The following FRMD3 variants were observed in gnomAD, a reference collection of about 807,000 sequenced individuals.
The protein encoded by FRMD3 is FERM domain containing 3.
A neutral mutation model predicts 70.2 loss-of-function variants in FRMD3; 33 were observed. The observed-to-expected ratio is 0.47, with a 90% CI of 0.36 to 0.63. FRMD3 has a LOEUF of 0.63. Among genes scored for constraint, FRMD3 ranks in the 20% least tolerant of loss-of-function variants. The probability of loss-of-function intolerance (pLI) is 0.00; values close to 1 mark genes in which losing one functional copy is unlikely to be tolerated. For missense variants in FRMD3, 632 were observed against 711.4 expected (o/e 0.89, Z 1.27); for synonymous variants, 279 against 255.9 (o/e 1.09, Z -0.86).
intron 1 of FRMD3, among the ~76,000 whole-genome samples, chr9:83,489,941 T>C (rs1292491004): frequency 6.6e-6 from 1 of 152,196 alleles, no homozygotes; most frequent in Non-Finnish European, 1.5e-5. Flanking sequence ...TCACTGAGAT[T>C]TCAAACACAA....
At chr9:83,404,252 A>T (rs1184108927) in intron 1 of FRMD3, among the ~76,000 whole-genome samples, 2 of 152,224 alleles carry the variant, frequency 1.3e-5, no homozygotes, top group Non-Finnish European at 2.9e-5. Flanking sequence ...ACTACACAGC[A>T]ACTCAAGCTG....
intron 6 of FRMD3, among the ~76,000 whole-genome samples, chr9:83,322,427 C>A (rs938087981): frequency 1.3e-5 from 2 of 152,190 alleles, no homozygotes; most frequent in Admixed American, 1.3e-4. Flanking sequence ...GTCTCAACAG[C>A]AGCTCACAAC....
At chr9:83,344,824 AGTGTGTGTGTGTGTGTGT>A (rs35538787) in intron 4 of FRMD3, among the ~76,000 whole-genome samples, 1 of 143,972 alleles carries the variant, frequency 6.9e-6, no homozygotes, top group South Asian at 2.3e-4. Context: ...TGCATGTGTG[AGTGTGTGTGTGTGTGTGT>A]GTGTGTGTGT....
the FRMD3 span, among the ~76,000 whole-genome samples, chr9:83,569,391 A>G: frequency 6.6e-6 from 1 of 152,146 alleles, no homozygotes; most frequent in African/African-American, 2.4e-5. Context: ...ACTCTCCCCA[A>G]CCCAATCTAA....
At chr9:83,409,622 TTAGCACATATTA>T (rs1158206767) in intron 1 of FRMD3, among the ~76,000 whole-genome samples, 1 of 152,260 alleles carries the variant, frequency 6.6e-6, no homozygotes, top group Non-Finnish European at 1.5e-5. Flanking sequence ...GCAAACATTT[TTAGCACATATTA>T]TGTGCCAGAC....
At chr9:83,252,918 A>C (rs1408960513) in intron 13 of FRMD3, among the ~76,000 whole-genome samples, 1 of 152,202 alleles carries the variant, frequency 6.6e-6, no homozygotes. Context: ...ACTCTACACA[A>C]TAATAGTGGG....
At chr9:83,430,721 C>T (rs760124221) in intron 1 of FRMD3, among the ~76,000 whole-genome samples, 6 of 152,112 alleles carry the variant, frequency 3.9e-5, no homozygotes, top group South Asian at 2.1e-4. Context: ...TCCATATCTT[C>T]GATGTTTAAA....
chr9:83,243,309 T>C, downstream of FRMD3: 1 of 1,294,024 alleles, frequency 7.7e-7, no homozygotes, highest in Non-Finnish European at 1.1e-6. Flanking sequence ...GCACATTGTC[T>C]CCACCCTGTA....
intron 12 of FRMD3, among the ~76,000 whole-genome samples, chr9:83,296,533 T>G (rs1587691805): frequency 6.6e-6 from 1 of 152,294 alleles, no homozygotes; most frequent in Middle Eastern, 3.4e-3. Flanking sequence ...ATCAAATTCT[T>G]TCTGGTGTTG....
intron 1 of FRMD3, among the ~76,000 whole-genome samples, chr9:83,391,619 AG>A (rs1400126510): frequency 6.6e-6 from 1 of 152,194 alleles, no homozygotes; most frequent in Non-Finnish European, 1.5e-5. Context: ...AGCACAACAA[AG>A]ATTTTTTTTA....
At chr9:83,467,983 G>A (rs1828174343) in intron 1 of FRMD3, among the ~76,000 whole-genome samples, 1 of 151,778 alleles carries the variant, frequency 6.6e-6, no homozygotes, top group Non-Finnish European at 1.5e-5. Context: ...CTCACTCCCA[G>A]CTATCCTTAG....
Position 83,260,173 on chromosome 9 carries a change from A to G in FRMD3, c.1196-11657T>C, listed in dbSNP as rs144070626. 5.9e-5 allele frequency among the ~76,000 whole-genome samples: 9 copies of G among 152,306 alleles called. No homozygotes were observed. The East Asian group carries it at 1.7e-3, about 29-fold the overall frequency. The stretch of plus-strand genomic sequence containing the variant: ...GTTATATGTAGAAAGAGAAAAGGAG[A>G]CAGGGGCACTAAGATTTTTAATAAA... On this transcript the variant is annotated intron_variant, in intron 13 of 13. Coordinates refer to ENST00000304195, the MANE Select transcript of FRMD3 (RefSeq NM_174938.6).
chr9:83,411,233 A>C (rs1043191144), intron 1 of FRMD3, among the ~76,000 whole-genome samples: 1 of 152,170 alleles, frequency 6.6e-6, no homozygotes, highest in African/African-American at 2.4e-5. Context: ...TAACTATATA[A>C]TTTCAGTTAA....
chr9:83,278,246 A>AGTCTGGGG (rs1195630968), intron 13 of FRMD3, among the ~76,000 whole-genome samples: 1 of 152,190 alleles, frequency 6.6e-6, no homozygotes, highest in Non-Finnish European at 1.5e-5. Context: ...AACGGGAAAC[A>AGTCTGGGG]GTCTGAGGGG....
At chr9:83,323,649 C>A (rs11140024) in intron 6 of FRMD3, among the ~76,000 whole-genome samples, 18,517 of 152,178 alleles carry the variant, frequency 0.12, 1,317 homozygotes, top group East Asian at 0.23. Context: ...TAAACTTCCA[C>A]GCCTCCAGAA....
intron 1 of FRMD3, among the ~76,000 whole-genome samples, chr9:83,508,444 G>T (rs1225477087): frequency 7.9e-5 from 12 of 152,156 alleles, no homozygotes; most frequent in Admixed American, 7.9e-4. Context: ...AGAAAAAAAA[G>T]TAGTTTATAG....
the FRMD3 span, among the ~76,000 whole-genome samples, chr9:83,557,653 T>G: frequency 6.6e-6 from 1 of 152,204 alleles, no homozygotes; most frequent in East Asian, 1.9e-4. Flanking sequence ...AGAGTACTAA[T>G]TAGAAGGCCC....
chr9:83,396,103 T>C (rs953511557), intron 1 of FRMD3, among the ~76,000 whole-genome samples: 4 of 152,226 alleles, frequency 2.6e-5, no homozygotes, highest in African/African-American at 7.2e-5. Context: ...TCTGTGTTTG[T>C]TTACAGGGCT....
intron 1 of FRMD3, among the ~76,000 whole-genome samples, chr9:83,472,337 G>C (rs1828288767): frequency 6.6e-6 from 1 of 152,136 alleles, no homozygotes; most frequent in Non-Finnish European, 1.5e-5. Context: ...ATTCTTCAAG[G>C]AACATCTGTT....
Sources: gnomAD v4.1 joint callset for allele counts (sites outside exome capture counted in the v4.1 genomes callset) on GRCh38, gnomAD v4.1.1 for gene constraint, MANE v1.5 for transcripts, NCBI Gene and HGNC (gene_info 2026-07-23, HGNC 2026-07-21) for gene names.